The following NCALD variants were observed in gnomAD, a reference collection of about 807,000 sequenced individuals.
NCALD encodes neurocalcin-delta.
A neutral mutation model predicts 18.6 loss-of-function variants in NCALD; 10 were observed. The ratio of observed to expected loss-of-function variants is 0.54; its 90% CI spans 0.33 to 0.91. NCALD has a LOEUF of 0.91. NCALD is among the 40% of genes least tolerant of loss of function. The pLI, the probability that NCALD is intolerant of heterozygous loss-of-function variation, is 0.03. For synonymous variants in NCALD, 88 were observed against 87.4 expected (o/e 1.01, Z -0.04); for missense variants, 184 against 247.6 (o/e 0.74, Z 1.72).
At chr8:101,690,889 G>A in intron 3 of NCALD, 7 of 985,368 alleles carry the variant, frequency 7.1e-6, no homozygotes, top group Non-Finnish European at 8.4e-6. Context: ...GGCTCTGGGA[G>A]GCACCAGCTG....
intron 1 of NCALD, among the ~76,000 whole-genome samples, chr8:101,776,186 C>T (rs76877951): frequency 1.3e-5 from 2 of 152,118 alleles, no homozygotes; most frequent in Non-Finnish European, 2.9e-5. Context: ...AATGATCAGA[C>T]TGAAAATGGC....
At chr8:101,925,577 T>C (rs1818308811) in intron 2 of NCALD, among the ~76,000 whole-genome samples, 1 of 152,302 alleles carries the variant, frequency 6.6e-6, no homozygotes, top group Non-Finnish European at 1.5e-5. Context: ...TATTTATTTA[T>C]GGCTGTCTCA....
chr8:101,975,211 A>G (rs1820378582), intron 2 of NCALD: 1 of 152,198 alleles, frequency 6.6e-6, no homozygotes, highest in Non-Finnish European at 1.5e-5. Flanking sequence ...ATATGCCAAG[A>G]GTAAGAAAAA....
At chr8:101,739,785 T>C (rs1398365882) in intron 1 of NCALD, among the ~76,000 whole-genome samples, 1 of 152,210 alleles carries the variant, frequency 6.6e-6, no homozygotes, top group Non-Finnish European at 1.5e-5. Flanking sequence ...TTTTAGGGCT[T>C]GGACTGGCTT....
rs1814823152 is a variant in NCALD, at chr8:101,693,318, G to GGTTTTTTTTTTTTTTTTTTTTTTTTTTTT, written c.379-423_379-422insAAAAAAAAAAAAAAAAAAAAAAAAAAAAC. Reference sequence around the variant, plus strand: ...AGAGGTACTCCCCACCACACAGGGCGTTTTTTTTTTTTTTTTTTTTTTTTT... The same window carrying GGTTTTTTTTTTTTTTTTTTTTTTTTTTTT: ...AGAGGTACTCCCCACCACACAGGGCGGTTTTTTTTTTTTTTTTTTTTTTTTTTTTTTTTTTTTTTTTTTTTTTTTTTTTT... On this transcript the variant is annotated intron_variant, in intron 2 of 3. Coordinates refer to ENST00000220931, the MANE Select transcript of NCALD (RefSeq NM_032041.3). 2 of 60,000 alleles carry GGTTTTTTTTTTTTTTTTTTTTTTTTTTTT rather than the reference G, an allele frequency of 3.3e-5. 1 individual carries two copies. The highest frequency in any genetic ancestry group is 4.5e-4 in the Admixed American group (2 of 4,444). The allele number at this position is 60,000 out of a possible 1,614,324, so 3.7% of individuals were successfully genotyped here.
rs570193901 is a variant in NCALD, at chr8:101,689,796, G to A, written c.485-390C>T. On this transcript the variant is annotated intron_variant, in intron 3 of 3. Coordinates refer to ENST00000220931, the MANE Select transcript of NCALD (RefSeq NM_032041.3). The surrounding 1 kb of genome is among the most constrained non-coding windows in gnomAD (Gnocchi z 4.4). ...GCAAGTGGCCCTCCTGCATTTATGAGAATGAGCTGGGCCCTGGCAGCACCC... is the reference window on the plus strand; with the variant it reads ...GCAAGTGGCCCTCCTGCATTTATGAAAATGAGCTGGGCCCTGGCAGCACCC... Among the ~76,000 whole-genome samples the A allele has an allele frequency of 1.4e-4, 21 of 152,306 alleles. No individual in the cohort carries two copies. Among genetic ancestry groups the A allele is most frequent in the African/African-American group, 5.1e-4 (21 of 41,566 alleles).
intron 2 of NCALD, among the ~76,000 whole-genome samples, chr8:101,714,800 T>C (rs1372046958): frequency 6.6e-6 from 1 of 150,738 alleles, no homozygotes; most frequent in Non-Finnish European, 1.5e-5. Flanking sequence ...ATCGAGACCA[T>C]CCTGGCTAAC....
chr8:101,762,618 A>G lies in NCALD; in HGVS notation c.-20+28244T>C, dbSNP rs1390678690. ...TTTTTTTTTTTTTTTTCTGTCACCC[A>G]GGCTGGAGTACAGCGGTGTGATATC... is the stretch of plus-strand genomic sequence containing the variant. On this transcript the variant is annotated intron_variant, in intron 1 of 3. Transcript: ENST00000220931. Among the ~76,000 whole-genome samples, 3 of 147,298 alleles carry G rather than the reference A, an allele frequency of 2.0e-5. No homozygotes were observed. In the Admixed American group the frequency reaches 2.1e-4, roughly 10 times the overall value.
At chr8:101,955,176 C>T (rs1445209800) in intron 2 of NCALD, among the ~76,000 whole-genome samples, 1 of 152,138 alleles carries the variant, frequency 6.6e-6, no homozygotes, top group African/African-American at 2.4e-5. Flanking sequence ...CGCCAAATGC[C>T]TCACAGTCTT....
chr8:102,034,632 G>GT (rs1334194664), intron 1 of NCALD, among the ~76,000 whole-genome samples: 1 of 152,222 alleles, frequency 6.6e-6, no homozygotes, highest in Non-Finnish European at 1.5e-5. Flanking sequence ...GCAGGAAATT[G>GT]TAAGACCGGA....
At chr8:101,757,870 C>A (rs1488274364) in intron 1 of NCALD, among the ~76,000 whole-genome samples, 1 of 152,076 alleles carries the variant, frequency 6.6e-6, no homozygotes, top group Non-Finnish European at 1.5e-5. Context: ...CTAACCCAAC[C>A]ATCAGAGAGG....
chr8:101,969,480 T>C (rs1399800696), intron 2 of NCALD, among the ~76,000 whole-genome samples: 1 of 152,214 alleles, frequency 6.6e-6, no homozygotes, highest in Non-Finnish European at 1.5e-5. Context: ...TTTATTTCAT[T>C]TGACTAGAAG....
chr8:101,852,054 C>A (rs920829528), intron 4 of NCALD, among the ~76,000 whole-genome samples: 4 of 152,140 alleles, frequency 2.6e-5, no homozygotes, highest in African/African-American at 7.2e-5. Context: ...CAGGCCTTCA[C>A]CTCACTGAAT....
At chr8:101,888,395 T>TA (rs1563860459) in intron 3 of NCALD, among the ~76,000 whole-genome samples, 1 of 151,494 alleles carries the variant, frequency 6.6e-6, no homozygotes, top group African/African-American at 2.4e-5. Context: ...GGACTTTCTT[T>TA]TTTATTTATT....
intron 2 of NCALD, among the ~76,000 whole-genome samples, chr8:101,984,878 C>T (rs1402934503): frequency 6.6e-6 from 1 of 152,220 alleles, no homozygotes; most frequent in Non-Finnish European, 1.5e-5. Context: ...GTTCACATCA[C>T]TGTGACTCAA....
chr8:101,888,293 A>C (rs1816747178), intron 3 of NCALD, among the ~76,000 whole-genome samples: 2 of 152,220 alleles, frequency 1.3e-5, no homozygotes, highest in African/African-American at 4.8e-5. Flanking sequence ...TGTGTCTATA[A>C]AAACCCTAGT....
chr8:101,737,501 C>T (rs1410718533), intron 1 of NCALD, among the ~76,000 whole-genome samples: 2 of 152,226 alleles, frequency 1.3e-5, no homozygotes, highest in African/African-American at 4.8e-5. Context: ...GCCTCGTACT[C>T]AGGGCCTCTC....
chr8:101,851,062 G>A (rs1042891488), intron 4 of NCALD, among the ~76,000 whole-genome samples: 2 of 152,118 alleles, frequency 1.3e-5, no homozygotes, highest in African/African-American at 4.8e-5. Context: ...GTTTCAACAT[G>A]TTTAGTAAAT....
At chr8:101,991,657 A>C (rs1217444806) in intron 2 of NCALD, among the ~76,000 whole-genome samples, 2 of 152,102 alleles carry the variant, frequency 1.3e-5, no homozygotes, top group African/African-American at 4.8e-5. Flanking sequence ...AGACCCTGAA[A>C]AGAGAGAGCA....
Sources: allele counts gnomAD v4.1 joint callset (sites outside exome capture counted in the v4.1 genomes callset), GRCh38; gene constraint gnomAD v4.1.1; non-coding constraint Gnocchi (gnomAD v3.1); transcripts MANE v1.5; gene names NCBI Gene and HGNC (gene_info 2026-07-23, HGNC 2026-07-21).